Variants in DNTTIP2 observed in about 807,000 individuals in gnomAD.
DNTTIP2 encodes the protein deoxynucleotidyltransferase terminal interacting protein 2.
A neutral mutation model predicts 62.4 loss-of-function variants in DNTTIP2; 47 were observed. That is an observed-to-expected ratio of 0.75 (90% CI 0.60 to 0.96). The LOEUF (loss-of-function observed/expected upper bound fraction) is 0.96, where lower values mean the gene tolerates loss of function less well. Ranked by LOEUF, DNTTIP2 falls within the 40% of genes least tolerant of loss-of-function variation. The probability of loss-of-function intolerance (pLI) is 0.00; values close to 1 mark genes in which losing one functional copy is unlikely to be tolerated. For missense variants in DNTTIP2, 870 were observed against 849.1 expected (o/e 1.02, Z -0.31); for synonymous variants, 322 against 300.9 (o/e 1.07, Z -0.73).
At position 93,869,656 on chromosome 1, in the gene DNTTIP2, G is replaced by T; in HGVS notation, c.*195C>A. 1 of 506,558 alleles carries T rather than the reference G, an allele frequency of 2.0e-6. No homozygotes were observed. Among genetic ancestry groups the T allele is most frequent in the East Asian group, 3.1e-5 (1 of 32,134 alleles). The allele number at this position is 506,558 out of a possible 1,614,324, so 31.4% of individuals were successfully genotyped here. On this transcript the variant is annotated 3_prime_UTR_variant, in exon 7 of 7. Transcript: ENST00000436063. ...TTTTCCCATAAAGAGTCTACACCAGGGTGGGTCTTTTAGACACCCCTATTT... is the reference window on the plus strand; with the variant it reads ...TTTTCCCATAAAGAGTCTACACCAGTGTGGGTCTTTTAGACACCCCTATTT...
In DNTTIP2 at chr1:93,872,099, A is replaced by G. The variant is rs1464953704; in HGVS notation, c.2040T>C (p.Asp680=). 4 of 1,613,780 alleles carry G rather than the reference A, an allele frequency of 2.5e-6. No individual in the cohort carries two copies. In the South Asian group the frequency reaches 4.4e-5, roughly 18 times the overall value. ...GGAAGTACTTGGGGAAGCCATCTCT[A>G]TCATTTTTCTTGTAAAATCTTTTCG... ...MDPKRFYKKN[D]RDGFPKYFQI... The change falls in exon 5 of 7, where the codon GAT becomes GAC. Residue 680 remains aspartate, a synonymous_variant. Transcript: ENST00000436063.
In DNTTIP2 at chr1:93,876,657, T is replaced by C. The variant is rs778149015; in HGVS notation, c.1278A>G (p.Leu426=). 1.9e-6 allele frequency: 3 copies of C among 1,614,040 alleles called. No homozygotes were observed. The highest frequency in any genetic ancestry group is 2.2e-5 in the East Asian group (1 of 44,878). ...GAGATGTGTTGGGCGCAGACGTGTA[T>C]AGTTTGGTATCACATTCAAAATCTA... ...GNVDFECDTK[L]YTSAPNTSQG... The change falls in exon 2 of 7, where the codon CTA becomes CTG. Residue 426 remains leucine (L), a synonymous_variant. Coordinates refer to ENST00000436063, the MANE Select transcript of DNTTIP2 (RefSeq NM_014597.5).
chr1:93,875,665 T>C lies in DNTTIP2; in HGVS notation c.1786A>G (p.Lys596Glu). The change falls in exon 3 of 7, where the codon AAG becomes GAG. Residue 596 changes from lysine (K) to glutamate (E), a missense_variant. Transcript: ENST00000436063. ...QSNKRTLTQI[K>E]EKKKNELLQK... ...CTTACCTCATTTTTCTTTTTCTCCTTGATCTGTGTTAGGGTTCTCTTGTTA... is the reference window on the plus strand; with the variant it reads ...CTTACCTCATTTTTCTTTTTCTCCTCGATCTGTGTTAGGGTTCTCTTGTTA... The C allele has an allele frequency of 6.2e-7, 1 of 1,608,538 alleles. No homozygotes were observed. Among genetic ancestry groups the C allele is most frequent in the Non-Finnish European group, 8.5e-7 (1 of 1,178,482 alleles).
chr1:93,871,242 C>T (rs920114452), intron 5 of DNTTIP2, among the ~76,000 whole-genome samples: 3 of 152,186 alleles, frequency 2.0e-5, no homozygotes, highest in Admixed American at 1.3e-4. Flanking sequence ...GATCACTATG[C>T]ACCAGGCACT....
intron 5 of DNTTIP2, among the ~76,000 whole-genome samples, chr1:93,871,593 G>C (rs1019289769): frequency 2.0e-5 from 3 of 152,166 alleles, no homozygotes; most frequent in Non-Finnish European, 4.4e-5. Flanking sequence ...TATGATGAAA[G>C]GCAGGTGAAC....
intron 3 of DNTTIP2, 51 bp downstream of exon 3, chr1:93,875,594 C>A (rs1655980170): frequency 6.4e-7 from 1 of 1,558,628 alleles, no homozygotes; most frequent in Non-Finnish European, 8.6e-7. Context: ...GGACTAATTT[C>A]TAAAAGTGAT....
In DNTTIP2 at chr1:93,869,789, C is replaced by G; in HGVS notation, c.*62G>C. 1.4e-6 allele frequency: 1 copy of G among 740,396 alleles called. No individual in the cohort carries two copies. Among genetic ancestry groups the G allele is most frequent in the Non-Finnish European group, 2.5e-6 (1 of 395,486 alleles). 45.9% of individuals were successfully genotyped at this position (740,396 alleles called of 1,614,324 possible). A position where few individuals can be genotyped will look rare whatever the true frequency, so the allele number is the denominator to read the frequency against. On this transcript the variant is annotated 3_prime_UTR_variant, in exon 7 of 7. Transcript: ENST00000436063. Reference sequence around the variant, plus strand: ...AATTTAGATGATGGTGTTAGTTTTCCAAACGTCTTTAATAAGTAAATAAAG... The same window carrying G: ...AATTTAGATGATGGTGTTAGTTTTCGAAACGTCTTTAATAAGTAAATAAAG...
rs1432526116 is a variant in DNTTIP2 at position 93,868,655 on chromosome 1, T to C, written c.*1196A>G. On this transcript the variant is annotated 3_prime_UTR_variant, in exon 7 of 7. Coordinates refer to ENST00000436063, the MANE Select transcript of DNTTIP2 (RefSeq NM_014597.5). Reference sequence around the variant, plus strand: ...AATGTGGCACATATACACCATGGAATACTATGTGGCCATAAAAAAGCATGA... The same window carrying C: ...AATGTGGCACATATACACCATGGAACACTATGTGGCCATAAAAAAGCATGA... 2 of 152,186 alleles carry C rather than the reference T, an allele frequency of 1.3e-5. 1 individual carries two copies. Among genetic ancestry groups the C allele is most frequent in the East Asian group, 3.8e-4 (2 of 5,204 alleles). 9.4% of individuals were successfully genotyped at this position (152,186 alleles called of 1,614,324 possible). A position where few individuals can be genotyped will look rare whatever the true frequency, so the allele number is the denominator to read the frequency against.
rs931494223 is a variant in DNTTIP2 at position 93,877,024 on chromosome 1, T to C, written c.911A>G (p.Asn304Ser). 3 of 1,612,716 alleles carry C rather than the reference T, an allele frequency of 1.9e-6. No individual in the cohort carries two copies. Among genetic ancestry groups the C allele is most frequent in the African/African-American group, 1.3e-5 (1 of 75,052 alleles). Residue 304 changes from asparagine to serine, a missense_variant, in exon 2 of 7, where the codon AAT becomes AGT. Transcript: ENST00000436063. ...TTCTTTCCCCTCATCTGTTATTCCA[T>C]TGGCATCTTCATCCAAATCCTTACA... Reference protein sequence around the residue: ...QNCKDLDEDANGITDEGKEIN... With the variant: ...QNCKDLDEDASGITDEGKEIN...
intron 5 of DNTTIP2, among the ~76,000 whole-genome samples, chr1:93,871,668 C>A (rs912092744): frequency 3.3e-5 from 5 of 152,156 alleles, no homozygotes; most frequent in Admixed American, 2.6e-4. Flanking sequence ...TGTCATAATT[C>A]ATCACTGAAT....
At chr1:93,870,276 C>A (rs1227829398) in intron 6 of DNTTIP2, among the ~76,000 whole-genome samples, 1 of 152,100 alleles carries the variant, frequency 6.6e-6, no homozygotes, top group Non-Finnish European at 1.5e-5. Flanking sequence ...TCACACTTAT[C>A]CTGAAAATGC....
Position 93,872,178 on chromosome 1 carries a change from G to C in DNTTIP2, c.1961C>G (p.Thr654Arg), listed in dbSNP as rs1430319265. 6 of 1,613,598 alleles carry C rather than the reference G, an allele frequency of 3.7e-6. No individual in the cohort carries two copies. In the Admixed American group the frequency reaches 1.0e-4, roughly 27 times the overall value. ...GWFGMKAPEM[T>R]NELKNDLKAL... is the part of the protein sequence containing the mutation. The stretch of plus-strand genomic sequence containing the variant: ...TTTGAGATCATTTTTCAGTTCATTT[G>C]TCATTTCTGGAGCTTTCATACCAAA... Residue 654 changes from threonine to arginine, a missense_variant, in exon 5 of 7, where the codon ACA (threonine) becomes AGA (arginine). By Grantham distance (71) the Thr-to-Arg change is moderately conservative. Transcript: ENST00000436063.
rs1437915683 is a variant in DNTTIP2 at position 93,867,180 on chromosome 1, G to A, written c.*2671C>T. On this transcript the variant is annotated 3_prime_UTR_variant, in exon 7 of 7. Transcript: ENST00000436063. ...AAAAAAAAGCATCTTGGAGCCAGATGGTGTATAAATACAGCATTCTTTTCG... is the reference window on the plus strand; with the variant it reads ...AAAAAAAAGCATCTTGGAGCCAGATAGTGTATAAATACAGCATTCTTTTCG... 6.7e-6 allele frequency: 1 copy of A among 149,236 alleles called. No homozygotes were observed. The highest frequency in any genetic ancestry group is 2.5e-5 in the African/African-American group (1 of 40,376). The allele number at this position is 149,236 out of a possible 1,614,324, so 9.2% of individuals were successfully genotyped here.
chr1:93,876,347 C>G lies in DNTTIP2; in HGVS notation c.1588G>C (p.Glu530Gln), dbSNP rs367544520. ...KEEEEDEKSE[E>Q]DSSDHDENED... ...TTTTCGTCATGGTCTGATGAATCTTCTTCACTTTTTTCATCCTCTTCCTCT... is the reference window on the plus strand; with the variant it reads ...TTTTCGTCATGGTCTGATGAATCTTGTTCACTTTTTTCATCCTCTTCCTCT... The change falls in exon 2 of 7, where the codon GAA becomes CAA. Residue 530 changes from glutamate to glutamine, a missense_variant. Glu to Gln is a conservative substitution (Grantham distance 29). Transcript: ENST00000436063. 6 of 1,556,812 alleles carry G rather than the reference C, an allele frequency of 3.9e-6. No individual in the cohort carries two copies. Among genetic ancestry groups the G allele is most frequent in the Non-Finnish European group, 5.2e-6 (6 of 1,149,380 alleles).
Position 93,873,234 on chromosome 1 carries a change from G to T in DNTTIP2, c.1807-20C>A. The T allele has an allele frequency of 6.4e-7, 1 of 1,555,512 alleles. No homozygotes were observed. Among genetic ancestry groups the T allele is most frequent in the Non-Finnish European group, 8.8e-7 (1 of 1,132,214 alleles). ...CAGAAGCTATAAAAACATAAAATTG[G>T]TTTTAAAATAATGTCAGAATGTTAT... On this transcript the variant is annotated intron_variant, in intron 3 of 6. Transcript: ENST00000436063.
intron 1 of DNTTIP2, 28 bp downstream of exon 1, chr1:93,879,049 G>A (rs377449872): frequency 2.0e-5 from 33 of 1,611,988 alleles, no homozygotes; most frequent in Non-Finnish European, 2.8e-5. Flanking sequence ...GCGAAGCGGC[G>A]AGAAGTAGGG....
chr1:93,878,983 A>G (rs1656085486), intron 1 of DNTTIP2, 94 bp downstream of exon 1: 1 of 1,485,116 alleles, frequency 6.7e-7, no homozygotes, highest in South Asian at 1.3e-5. Flanking sequence ...CTCTGTCGGC[A>G]GGTCCTCACC....
Position 93,877,144 on chromosome 1 carries a change from T to A in DNTTIP2, c.791A>T (p.Asp264Val). 1 of 1,612,526 alleles carries A rather than the reference T, an allele frequency of 6.2e-7. No individual in the cohort carries two copies. The highest frequency in any genetic ancestry group is 8.5e-7 in the Non-Finnish European group (1 of 1,179,828). Residue 264 changes from aspartate to valine, a missense_variant, in exon 2 of 7, where the codon GAC becomes GTC. Transcript: ENST00000436063. Reference sequence around the variant, plus strand: ...TCTGTGGGAGAAATCATCATCAAAGTCATTATTATAGAAATTTGGCTTATT... The same window carrying A: ...TCTGTGGGAGAAATCATCATCAAAGACATTATTATAGAAATTTGGCTTATT... Reference protein sequence around the residue: ...EINKPNFYNNDFDDDFSHRSS... With the variant: ...EINKPNFYNNVFDDDFSHRSS...
intron 3 of DNTTIP2, among the ~76,000 whole-genome samples, chr1:93,874,418 A>C (rs1655946426): frequency 6.6e-6 from 1 of 152,234 alleles, no homozygotes; most frequent in African/African-American, 2.4e-5. Context: ...CACATGATCA[A>C]CAATGAATCA....
Sources: gnomAD v4.1 joint callset for allele counts (sites outside exome capture counted in the v4.1 genomes callset) on GRCh38, gnomAD v4.1.1 for gene constraint, MANE v1.5 for transcripts, NCBI Gene and HGNC (gene_info 2026-07-23, HGNC 2026-07-21) for gene names.